Variants in RSPH1 observed in about 807,000 individuals in gnomAD.
RSPH1 encodes radial spoke head 1 homolog.
Under a neutral mutation model 44.2 loss-of-function variants are expected in RSPH1, and 32 were observed. That is an observed-to-expected ratio of 0.72 (90% CI 0.55 to 0.97). The LOEUF (loss-of-function observed/expected upper bound fraction) is 0.97, where lower values mean the gene tolerates loss of function less well. Among genes scored for constraint, RSPH1 ranks in the 50% least tolerant of loss-of-function variants. The pLI is 0.00. For synonymous variants in RSPH1, 134 were observed against 147.3 expected, an observed-to-expected ratio of 0.91 and a Z score of 0.65; for missense variants, 391 against 398.7, an observed-to-expected ratio of 0.98 and a Z score of 0.16.
At chr21:42,485,422 C>T (rs544101220) in intron 5 of RSPH1, 7 of 536,738 alleles carry the variant, frequency 1.3e-5, no homozygotes, top group Admixed American at 9.5e-5. Flanking sequence ...AACAGGTCCC[C>T]GCTGAAAGAC....
chr21:42,476,503 C>T lies in RSPH1; in HGVS notation c.728-456G>A, dbSNP rs186564117. Among the ~76,000 whole-genome samples the T allele has an allele frequency of 2.0e-4, 30 of 152,298 alleles. No homozygotes were observed. In the East Asian group the frequency reaches 2.7e-3, roughly 14 times the overall value. Reference sequence around the variant, plus strand: ...AGGCCAATCGGAGTTGGCTTTCCTCCGCTTGCCATGGAAGGGATCTCACCC... The same window carrying T: ...AGGCCAATCGGAGTTGGCTTTCCTCTGCTTGCCATGGAAGGGATCTCACCC... On this transcript the variant is annotated intron_variant, in intron 7 of 8. Coordinates refer to ENST00000291536, the MANE Select transcript of RSPH1 (RefSeq NM_080860.4).
At chr21:42,491,758 T>C (rs1373041466) in intron 3 of RSPH1, among the ~76,000 whole-genome samples, 1 of 152,170 alleles carries the variant, frequency 6.6e-6, no homozygotes, top group African/African-American at 2.4e-5. Context: ...TCTTATTTTA[T>C]CTAGGAGCAA....
At position 42,472,815 on chromosome 21, in the gene RSPH1, A is replaced by G. The variant is rs369292362; in HGVS notation, c.*3T>C. ...ATACGATCTCCTCTCGGCTCACTTCATCTTAGTCCTGGAGGTCTGACTGTC... is the reference window on the plus strand; with the variant it reads ...ATACGATCTCCTCTCGGCTCACTTCGTCTTAGTCCTGGAGGTCTGACTGTC... On this transcript the variant is annotated 3_prime_UTR_variant, in exon 9 of 9. Transcript: ENST00000291536. The G allele has an allele frequency of 5.0e-6, 8 of 1,607,728 alleles. No individual in the cohort carries two copies. Among genetic ancestry groups the G allele is most frequent in the Middle Eastern group, 1.6e-4 (1 of 6,074 alleles).
rs375794854 is a variant in RSPH1 at position 42,477,366 on chromosome 21, C to T, written c.652G>A (p.Ala218Thr). The T allele has an allele frequency of 3.3e-5, 54 of 1,614,154 alleles. No homozygotes were observed. Among genetic ancestry groups the T allele is most frequent in the East Asian group, 2.7e-4 (12 of 44,892 alleles). ...KWKATQITEL[A>T]LWTPTLPKKP... The stretch of plus-strand genomic sequence containing the variant: ...TTGGGGAGAGTTGGTGTCCACAGGG[C>T]CAATTCAGTGATTTGGGTAGCTTTC... Residue 218 changes from alanine (A) to threonine (T), a missense_variant, in exon 7 of 9, where the codon GCC becomes ACC. By Grantham distance (58) the Ala-to-Thr change is moderately conservative (BLOSUM62 0). Transcript: ENST00000291536.
intron 6 of RSPH1, among the ~76,000 whole-genome samples, chr21:42,482,240 T>A (rs1386572642): frequency 6.6e-6 from 1 of 152,126 alleles, no homozygotes; most frequent in Non-Finnish European, 1.5e-5. Flanking sequence ...TGCGCCACCA[T>A]GCCCAGCTAA....
intron 2 of RSPH1, 21 bp downstream of exon 2, chr21:42,492,945 A>G (rs1053955949): frequency 1.2e-6 from 2 of 1,607,158 alleles, no homozygotes; most frequent in Middle Eastern, 3.3e-4. Context: ...AAAACCATCC[A>G]GTCAAGTCAA....
intron 1 of RSPH1, 138 bp from the exon 2 acceptor site, chr21:42,493,217 TC>T: frequency 1.3e-6 from 1 of 761,040 alleles, no homozygotes; most frequent in Non-Finnish European, 2.2e-6. Context: ...GTCCCACCTT[TC>T]CCACCTTAAA....
chr21:42,476,696 G>A (rs1282125283), intron 7 of RSPH1, among the ~76,000 whole-genome samples: 1 of 152,002 alleles, frequency 6.6e-6, no homozygotes, highest in East Asian at 1.9e-4. Flanking sequence ...ACCTAGGTGA[G>A]GGGATAAGGG....
chr21:42,483,954 G>T (rs1304124620), intron 5 of RSPH1, among the ~76,000 whole-genome samples: 2 of 152,048 alleles, frequency 1.3e-5, no homozygotes, highest in African/African-American at 2.4e-5. Flanking sequence ...TTTATATACT[G>T]GGAACTGTCT....
intron 8 of RSPH1, among the ~76,000 whole-genome samples, chr21:42,473,175 G>A (rs914003423): frequency 2.2e-4 from 34 of 152,300 alleles, no homozygotes; most frequent in African/African-American, 7.9e-4. Context: ...GCTAAAACAT[G>A]TAATTGCTTG....
chr21:42,480,244 C>T (rs1442503175), intron 6 of RSPH1, among the ~76,000 whole-genome samples: 2 of 152,140 alleles, frequency 1.3e-5, no homozygotes, highest in Admixed American at 6.5e-5. Context: ...CAACGGAGCA[C>T]GGACAGTCAC....
At chr21:42,492,136 T>G (rs541636382) in intron 3 of RSPH1, among the ~76,000 whole-genome samples, 142 of 152,354 alleles carry the variant, frequency 9.3e-4, no homozygotes, top group Non-Finnish European at 1.5e-3. Flanking sequence ...ACACGCTCCC[T>G]GCCGGTCCCC....
chr21:42,480,658 A>C (rs1415349080), intron 6 of RSPH1, among the ~76,000 whole-genome samples: 1 of 151,538 alleles, frequency 6.6e-6, no homozygotes, highest in Non-Finnish European at 1.5e-5. Context: ...AAAAAAAAAA[A>C]AAAAAAAACC....
At chr21:42,490,095 C>T (rs1205069445) in intron 3 of RSPH1, among the ~76,000 whole-genome samples, 1 of 152,020 alleles carries the variant, frequency 6.6e-6, no homozygotes, top group Non-Finnish European at 1.5e-5. Context: ...GGGTCTAGGC[C>T]TCCCCCACAT....
intron 5 of RSPH1, chr21:42,485,372 A>C: frequency 2.6e-6 from 1 of 388,318 alleles, no homozygotes; most frequent in South Asian, 3.2e-5. Context: ...AGGAATACAC[A>C]CAAGAGGTTC....
At chr21:42,483,079 A>T (rs1256052587) in intron 5 of RSPH1, among the ~76,000 whole-genome samples, 1 of 152,180 alleles carries the variant, frequency 6.6e-6, no homozygotes, top group Non-Finnish European at 1.5e-5. Context: ...AATTATACAT[A>T]CTAACTCATA....
At chr21:42,476,296 G>A (rs1254201382) in intron 7 of RSPH1, among the ~76,000 whole-genome samples, 4 of 152,120 alleles carry the variant, frequency 2.6e-5, no homozygotes, top group Admixed American at 1.3e-4. Context: ...TCCTGAGGGT[G>A]TTGATGAGAC....
intron 7 of RSPH1, among the ~76,000 whole-genome samples, chr21:42,477,059 G>T (rs868427817): frequency 8.1e-6 from 1 of 123,886 alleles, no homozygotes; most frequent in African/African-American, 3.2e-5. Flanking sequence ...CACACCCTCT[G>T]CCCCCTCCAC....
rs955846859 is a variant in RSPH1, at chr21:42,474,300, T to G, written c.878-1430A>C. Reference sequence around the variant, plus strand: ...CTCTGCTCTCTGCCTGGAATTTCCTTCCTGGTTTCACCCATTCCTTGCCAC... The same window carrying G: ...CTCTGCTCTCTGCCTGGAATTTCCTGCCTGGTTTCACCCATTCCTTGCCAC... On this transcript the variant is annotated intron_variant, in intron 8 of 8. Coordinates refer to ENST00000291536, the MANE Select transcript of RSPH1 (RefSeq NM_080860.4). This position sits in a 1 kb window ranked among gnomAD's most constrained non-coding sequence, Gnocchi z 5.2. Among the ~76,000 whole-genome samples, 1 of 152,196 alleles carries G rather than the reference T, an allele frequency of 6.6e-6. No individual in the cohort carries two copies. The highest frequency in any genetic ancestry group is 1.5e-5 in the Non-Finnish European group (1 of 68,026).
Sources: gnomAD v4.1 joint callset for allele counts (sites outside exome capture counted in the v4.1 genomes callset) on GRCh38, gnomAD v4.1.1 for gene constraint, Gnocchi (gnomAD v3.1) non-coding constraint, MANE v1.5 for transcripts, NCBI Gene and HGNC (gene_info 2026-07-23, HGNC 2026-07-21) for gene names.